ATP13A2: variants seen among roughly 807,000 people sequenced by gnomAD.
The protein encoded by ATP13A2 is polyamine-transporting ATPase 13A2.
Under a neutral mutation model 138.3 loss-of-function variants are expected in ATP13A2, and 83 were observed. The observed-to-expected ratio is 0.60, with a 90% CI of 0.50 to 0.72. ATP13A2 has a LOEUF of 0.72. Ranked by LOEUF, ATP13A2 falls within the 30% of genes least tolerant of loss-of-function variation. The pLI, the probability that ATP13A2 is intolerant of heterozygous loss-of-function variation, is 0.00. For missense variants in ATP13A2, 1,402 were observed against 1,606.4 expected, an observed-to-expected ratio of 0.87 and a Z score of 2.17; for synonymous variants, 663 against 699.0, an observed-to-expected ratio of 0.95 and a Z score of 0.81.
Position 16,986,629 on chromosome 1 carries a change from G to T in ATP13A2, c.3239C>A (p.Pro1080His), listed in dbSNP as rs773379849. The change falls in exon 28 of 29, where the codon CCC becomes CAC. Residue 1080 changes from proline (P) to histidine (H), a missense_variant. Transcript: ENST00000326735. The surrounding 1 kb of genome is among the most constrained non-coding windows in gnomAD (Gnocchi z 6.9). ...PFRRPLYTNV[P>H]FLVALALLSS... ...CAGGAGCGCCAGGGCCACCAGGAAG[G>T]GCACTGGGAGCAGGAGAGTCTCTCA... 3 of 1,607,352 alleles carry T rather than the reference G, an allele frequency of 1.9e-6. No homozygotes were observed. In the Admixed American group the frequency reaches 5.0e-5, roughly 27 times the overall value.
chr1:16,989,648 A>G (rs761130666), intron 23 of ATP13A2, 43 bp downstream of exon 23: 5 of 1,592,706 alleles, frequency 3.1e-6, no homozygotes, highest in Non-Finnish European at 4.3e-6. Context: ...GGACAAGCTC[A>G]GTCTCCGCAG....
intron 20 of ATP13A2, among the ~76,000 whole-genome samples, chr1:16,990,569 G>A (rs1557677854): frequency 6.6e-6 from 1 of 152,166 alleles, no homozygotes; most frequent in East Asian, 1.9e-4. Flanking sequence ...CCAGGCTGGA[G>A]TGCAGTGGCT....
chr1:16,998,311 C>T (rs1042070313), intron 11 of ATP13A2, among the ~76,000 whole-genome samples: 5 of 152,034 alleles, frequency 3.3e-5, no homozygotes, highest in Non-Finnish European at 5.9e-5. Context: ...CTCAAACGAT[C>T]CTCCCACCTC....
At position 16,986,501 on chromosome 1, in the gene ATP13A2, G is replaced by A; in HGVS notation, c.3367C>T (p.Leu1123=). The A allele has an allele frequency of 6.2e-7, 1 of 1,612,646 alleles. No individual in the cohort carries two copies. Among genetic ancestry groups the A allele is most frequent in the Non-Finnish European group, 8.5e-7 (1 of 1,179,904 alleles). Reference sequence around the variant, plus strand: ...GCCCCCACGAAGTTGAGGGTGACCAGACCCAGCAGCAGCAGCTTGAAGCCG... The same window carrying A: ...GCCCCCACGAAGTTGAGGGTGACCAAACCCAGCAGCAGCAGCTTGAAGCCG... ...DTGFKLLLLG[L]VTLNFVGAFM... The change falls in exon 28 of 29, where the codon CTG becomes TTG. Residue 1123 remains leucine (L), a synonymous_variant. Transcript: ENST00000326735. This position sits in a 1 kb window ranked among gnomAD's most constrained non-coding sequence, Gnocchi z 6.9.
intron 8 of ATP13A2, among the ~76,000 whole-genome samples, chr1:17,001,536 A>C (rs1448766117): frequency 6.6e-6 from 1 of 152,216 alleles, no homozygotes; most frequent in African/African-American, 2.4e-5. Flanking sequence ...CCTGCCCCCG[A>C]TCAGAGGGCT....
Position 17,005,576 on chromosome 1 carries a change from G to A in ATP13A2, c.106-20C>T. 6.2e-7 allele frequency: 1 copy of A among 1,614,222 alleles called. No homozygotes were observed. Among genetic ancestry groups the A allele is most frequent in the Non-Finnish European group, 8.5e-7 (1 of 1,180,036 alleles). On this transcript the variant is annotated intron_variant, in intron 2 of 28. Transcript: ENST00000326735. ...GAGCCTCTGCGAACGCAGCGAGAGAGGGCCCAGGTCGGGGTGGGAACGGGG... is the reference window on the plus strand; with the variant it reads ...GAGCCTCTGCGAACGCAGCGAGAGAAGGCCCAGGTCGGGGTGGGAACGGGG...
chr1:17,011,624 C>T lies in ATP13A2; in HGVS notation c.10+105G>A. ...CAGGTCCCGCTTCCTGGGCTCGCGACCCCGCGGTGGGGGGCGTCGCCTCCC... is the reference window on the plus strand; with the variant it reads ...CAGGTCCCGCTTCCTGGGCTCGCGATCCCGCGGTGGGGGGCGTCGCCTCCC... On this transcript the variant is annotated intron_variant, in intron 1 of 28. Coordinates refer to ENST00000326735, the MANE Select transcript of ATP13A2 (RefSeq NM_022089.4). The surrounding 1 kb of genome is among the most constrained non-coding windows in gnomAD (Gnocchi z 7.3). 1 of 1,358,776 alleles carries T rather than the reference C, an allele frequency of 7.4e-7. No individual in the cohort carries two copies. The highest frequency in any genetic ancestry group is 9.5e-7 in the Non-Finnish European group (1 of 1,047,928). The allele number at this position is 1,358,776 out of a possible 1,614,324, so 84.2% of individuals were successfully genotyped here. A position where few individuals can be genotyped will look rare whatever the true frequency, so the allele number is the denominator to read the frequency against.
At position 16,985,983 on chromosome 1, in the gene ATP13A2, T is replaced by C. The variant is rs2076700947; in HGVS notation, c.*238A>G. The C allele has an allele frequency of 6.9e-7, 1 of 1,445,382 alleles. No individual in the cohort carries two copies. Among genetic ancestry groups the C allele is most frequent in the Non-Finnish European group, 9.1e-7 (1 of 1,097,582 alleles). The allele number at this position is 1,445,382 out of a possible 1,614,324, so 89.5% of individuals were successfully genotyped here. A position where few individuals can be genotyped will look rare whatever the true frequency, so the allele number is the denominator to read the frequency against. ...GCCAGGAAAATATCATGACTTTATT[T>C]GCTACACTGACAGCAGCACTGAGGG... On this transcript the variant is annotated 3_prime_UTR_variant, in exon 29 of 29. Transcript: ENST00000326735.
At chr1:16,991,665 T>C (rs1404839085) in intron 20 of ATP13A2, 69 bp downstream of exon 20, 3 of 1,610,342 alleles carry the variant, frequency 1.9e-6, no homozygotes, top group Non-Finnish European at 2.5e-6. Context: ...GAATCCCTGG[T>C]GCCCCTCTTC....
chr1:17,009,292 CCG>C (rs2077687082), intron 1 of ATP13A2, among the ~76,000 whole-genome samples: 1 of 152,046 alleles, frequency 6.6e-6, no homozygotes, highest in Non-Finnish European at 1.5e-5. Flanking sequence ...CACTGATTGA[CCG>C]ACTGACTGAA....
In ATP13A2 at chr1:16,987,123, G is replaced by A. The variant is rs376802141; in HGVS notation, c.3006C>T (p.Leu1002=). 6.2e-7 allele frequency: 1 copy of A among 1,613,168 alleles called. No homozygotes were observed. Among genetic ancestry groups the A allele is most frequent in the Non-Finnish European group, 8.5e-7 (1 of 1,179,714 alleles). ...PPGALLSVPV[L]SSLLLQMVLV... is the part of the protein sequence containing the mutation. ...GGACCATCTGCAGCAGCAGGCTGCT[G>A]AGCACGGGCACGCTGAGCAGCGCCC... The change falls in exon 26 of 29, where the codon CTC becomes CTT. Residue 1002 remains leucine (L), a synonymous_variant. Transcript: ENST00000326735.
intron 12 of ATP13A2, 195 bp from the exon 13 acceptor site, chr1:16,996,691 T>C (rs2077138053): frequency 6.4e-6 from 4 of 627,320 alleles, no homozygotes; most frequent in Non-Finnish European, 1.1e-5. Flanking sequence ...AAGGAACTAG[T>C]GGATAGCATC....
In ATP13A2 at chr1:17,000,291, T is replaced by C; in HGVS notation, c.862A>G (p.Met288Val). ...CACACCCGCATGGACAACTTGACCA[T>C]GTCCCTTAGAGTCTGGCTTTGCTGT... Reference protein sequence around the residue: ...TRKQSQTLRDMVKLSMRVCVC... With the variant: ...TRKQSQTLRDVVKLSMRVCVC... The change falls in exon 10 of 29, where the codon ATG becomes GTG. Residue 288 changes from methionine (M) to valine (V), a missense_variant. By Grantham distance (21) the Met-to-Val change is conservative. Transcript: ENST00000326735. The C allele has an allele frequency of 6.3e-7, 1 of 1,576,344 alleles. No homozygotes were observed. The highest frequency in any genetic ancestry group is 8.6e-7 in the Non-Finnish European group (1 of 1,161,068).
Position 17,000,363 on chromosome 1 carries a change from C to T in ATP13A2, c.840+37G>A. 1.9e-6 allele frequency: 3 copies of T among 1,594,908 alleles called. 1 individual carries two copies. In the South Asian group the frequency reaches 3.4e-5, roughly 18 times the overall value. ...TGAGTGGGTGGGGGCCCCTGGGGAC[C>T]CACCTGTCCCGTCCCCACCCACCTT... On this transcript the variant is annotated intron_variant, in intron 9 of 28. Transcript: ENST00000326735.
At chr1:16,991,472 C>T (rs1026089534) in intron 20 of ATP13A2, among the ~76,000 whole-genome samples, 5 of 152,242 alleles carry the variant, frequency 3.3e-5, no homozygotes, top group African/African-American at 4.8e-5. Flanking sequence ...CCACCTGGAA[C>T]CCAGGCTGTC....
At chr1:17,009,858 A>G (rs1429060563) in intron 1 of ATP13A2, among the ~76,000 whole-genome samples, 1 of 152,120 alleles carries the variant, frequency 6.6e-6, no homozygotes, top group Non-Finnish European at 1.5e-5. Context: ...GGGGAGTGGA[A>G]CTTGAGGGAG....
intron 11 of ATP13A2, among the ~76,000 whole-genome samples, 154 bp downstream of exon 11, chr1:16,999,857 T>C (rs369308779): frequency 2.6e-5 from 4 of 152,066 alleles, no homozygotes; most frequent in Non-Finnish European, 5.9e-5. Flanking sequence ...GCTGAGATCA[T>C]GTCACTGCAC....
chr1:16,991,698 T>C, intron 20 of ATP13A2, 36 bp downstream of exon 20: 10 of 1,613,904 alleles, frequency 6.2e-6, no homozygotes, highest in Non-Finnish European at 8.5e-6. Flanking sequence ...GGGCGGATTC[T>C]GCCCTGCTAG....
At chr1:16,993,532 T>A (rs2077008176) in intron 16 of ATP13A2, 97 bp downstream of exon 16, 2 of 1,243,592 alleles carry the variant, frequency 1.6e-6, no homozygotes, top group Non-Finnish European at 2.2e-6. Flanking sequence ...GTGGGCATAA[T>A]AAGAGACCAC....
Sources: gnomAD v4.1 joint callset for allele counts (sites outside exome capture counted in the v4.1 genomes callset) on GRCh38, gnomAD v4.1.1 for gene constraint, Gnocchi (gnomAD v3.1) non-coding constraint, MANE v1.5 for transcripts, NCBI Gene and HGNC (gene_info 2026-07-23, HGNC 2026-07-21) for gene names.